SPHKAP: variants seen among roughly 807,000 people sequenced by gnomAD.
The protein encoded by SPHKAP is A-kinase anchor protein SPHKAP.
In SPHKAP, 67 loss-of-function variants were observed where a neutral mutation model predicts 137.5. That is an observed-to-expected ratio of 0.49 (90% CI 0.40 to 0.60). The LOEUF (loss-of-function observed/expected upper bound fraction) is 0.60. SPHKAP is among the 20% of genes least tolerant of loss of function. The pLI, the probability that SPHKAP is intolerant of heterozygous loss-of-function variation, is 0.00. For missense variants in SPHKAP, 2,097 were observed against 2,069.3 expected (o/e 1.01, Z -0.26); for synonymous variants, 813 against 785.3 (o/e 1.04, Z -0.59).
At chr2:228,151,506 G>A (rs1037010638) in intron 1 of SPHKAP, among the ~76,000 whole-genome samples, 18 of 152,112 alleles carry the variant, frequency 1.2e-4, no homozygotes, top group East Asian at 3.9e-4. Context: ...AGGAATCACC[G>A]CACTGACTTC....
chr2:228,065,054 G>C (rs927851398), intron 3 of SPHKAP, among the ~76,000 whole-genome samples: 4 of 152,120 alleles, frequency 2.6e-5, no homozygotes, highest in African/African-American at 7.2e-5. Context: ...GGATTTCCTG[G>C]CTGTGGGTTG....
intron 1 of SPHKAP, among the ~76,000 whole-genome samples, chr2:228,133,750 C>A (rs559536882): frequency 2.0e-5 from 3 of 152,286 alleles, no homozygotes; most frequent in East Asian, 1.9e-4. Context: ...GCACTAAATT[C>A]ATCAATTTTC....
At chr2:228,073,863 C>CT (rs1298878208) in intron 3 of SPHKAP, among the ~76,000 whole-genome samples, 2 of 137,670 alleles carry the variant, frequency 1.5e-5, no homozygotes, top group Non-Finnish European at 3.2e-5. Flanking sequence ...CATTTAACAT[C>CT]TTTTTTTAAA....
chr2:227,998,351 A>T (rs1693713444), intron 7 of SPHKAP, among the ~76,000 whole-genome samples: 1 of 152,180 alleles, frequency 6.6e-6, no homozygotes, highest in Non-Finnish European at 1.5e-5. Context: ...CCCTTTGCTC[A>T]GGAAACTCTG....
chr2:228,092,142 C>CGTATCTGTATATATGTGT (rs1697766226), intron 3 of SPHKAP, among the ~76,000 whole-genome samples: 1 of 129,538 alleles, frequency 7.7e-6, no homozygotes, highest in Admixed American at 8.0e-5. Flanking sequence ...TGTGTGTACA[C>CGTATCTGTATATATGTGT]ATATATACAT....
At chr2:228,172,900 C>T in intron 1 of SPHKAP, 1 of 325,790 alleles carries the variant, frequency 3.1e-6, no homozygotes, top group Non-Finnish European at 4.4e-6. Context: ...GTGCACTTTG[C>T]ATTGGCCAAA....
chr2:228,053,293 A>C (rs1402618720), intron 3 of SPHKAP, among the ~76,000 whole-genome samples: 12 of 152,242 alleles, frequency 7.9e-5, no homozygotes, highest in Admixed American at 7.9e-4. Context: ...GATCTTAGAC[A>C]AAAAGCTGAG....
intron 1 of SPHKAP, among the ~76,000 whole-genome samples, chr2:228,157,444 G>T (rs560285838): frequency 6.6e-6 from 1 of 152,290 alleles, no homozygotes; most frequent in South Asian, 2.1e-4. Flanking sequence ...TGATCTGAAA[G>T]ATTGAATGTA....
intron 2 of SPHKAP, among the ~76,000 whole-genome samples, chr2:228,117,568 C>T (rs1408657961): frequency 4.6e-5 from 7 of 152,138 alleles, no homozygotes; most frequent in Non-Finnish European, 7.4e-5. Flanking sequence ...TACTAAGACA[C>T]TTTGACCTAT....
rs760999447 is a variant in SPHKAP, at chr2:228,019,845, C to A, written c.1009G>T (p.Ala337Ser). The change falls in exon 7 of 12, where the codon GCA (alanine) becomes TCA (serine). Residue 337 changes from alanine (A) to serine (S), a missense_variant. Transcript: ENST00000392056. ...AFKGQMEKSQ[A>S]LYIPKDAYFS... is the part of the protein sequence containing the mutation. Reference sequence around the variant, plus strand: ...TAAGCATCTTTTGGAATATACAGTGCCTGTGATTTTTCCATTTGACCTTTA... The same window carrying A: ...TAAGCATCTTTTGGAATATACAGTGACTGTGATTTTTCCATTTGACCTTTA... The A allele has an allele frequency of 6.2e-7, 1 of 1,614,124 alleles. No individual in the cohort carries two copies. The highest frequency in any genetic ancestry group is 1.3e-5 in the African/African-American group (1 of 75,034).
At chr2:227,995,912 T>C in intron 7 of SPHKAP, 2 of 978,256 alleles carry the variant, frequency 2.0e-6, no homozygotes, top group Non-Finnish European at 2.4e-6. Context: ...TTAATCTCTT[T>C]CTACTGACTC....
chr2:228,027,543 C>T lies in SPHKAP; in HGVS notation c.247G>A (p.Val83Ile). The change falls in exon 4 of 12, where the codon GTC becomes ATC. Residue 83 changes from valine to isoleucine, a missense_variant and splice_region_variant. By Grantham distance (29) the Val-to-Ile change is conservative. Coordinates refer to ENST00000392056, the MANE Select transcript of SPHKAP (RefSeq NM_001142644.2). Reference sequence around the variant, plus strand: ...TTCACATCAAGATTCACAAAGCAGACCTGGGAAAAGAGGGCAAAAATAGTA... The same window carrying T: ...TTCACATCAAGATTCACAAAGCAGATCTGGGAAAAGAGGGCAAAAATAGTA... ...VEDKSENCAS[V>I]CFVNLDVNKD... The T allele has an allele frequency of 6.2e-7, 1 of 1,613,764 alleles. No homozygotes were observed. The highest frequency in any genetic ancestry group is 8.5e-7 in the Non-Finnish European group (1 of 1,179,886).
chr2:228,134,810 G>A (rs780005874), intron 1 of SPHKAP, among the ~76,000 whole-genome samples: 1 of 152,134 alleles, frequency 6.6e-6, no homozygotes, highest in Non-Finnish European at 1.5e-5. Context: ...AGCTCTGATG[G>A]GCTAGTAGAT....
At chr2:228,141,452 G>T (rs960418683) in intron 1 of SPHKAP, among the ~76,000 whole-genome samples, 1 of 152,108 alleles carries the variant, frequency 6.6e-6, no homozygotes, top group African/African-American at 2.4e-5. Flanking sequence ...GAGTCTCCTT[G>T]ATAGGTTTTC....
rs777500302 is a variant in SPHKAP at position 228,025,517 on chromosome 2, G to A, written c.318C>T (p.Asn106=). 123 of 1,613,452 alleles carry A rather than the reference G, an allele frequency of 7.6e-5. No homozygotes were observed. The East Asian group carries it at 1.1e-3, about 15-fold the overall frequency. Residue 106 remains asparagine (N), a synonymous_variant, in exon 5 of 12, where the codon AAC becomes AAT. Coordinates refer to ENST00000392056, the MANE Select transcript of SPHKAP (RefSeq NM_001142644.2). ...STEHLQQKLV[N]VSPDLPKLIS... is the part of the protein sequence containing the mutation. ...TAAGTTTTGGAAGATCTGGTGAAAC[G>A]TTGACCAGTTTCTGTAAAGCAAGAA...
chr2:228,145,720 G>A (rs1231542292), intron 1 of SPHKAP, among the ~76,000 whole-genome samples: 3 of 152,056 alleles, frequency 2.0e-5, no homozygotes, highest in Non-Finnish European at 4.4e-5. Context: ...AAAACATTTA[G>A]CAATGAGAGT....
intron 1 of SPHKAP, among the ~76,000 whole-genome samples, chr2:228,147,752 C>T (rs926430340): frequency 6.6e-6 from 1 of 152,118 alleles, no homozygotes; most frequent in Non-Finnish European, 1.5e-5. Flanking sequence ...TTATAGAGCA[C>T]CTATTTTGCC....
At position 228,181,463 on chromosome 2, in the gene SPHKAP, C is replaced by T; in HGVS notation, c.32+104G>A. ...GTGACCCCTGTCTCCTCGCTGGGAG[C>T]CCCGTGCAAACCGAAGCGCTCTGGG... On this transcript the variant is annotated intron_variant, in intron 1 of 11. Transcript: ENST00000392056. The surrounding 1 kb of genome is among the most constrained non-coding windows in gnomAD (Gnocchi z 4.3). 5 of 1,501,360 alleles carry T rather than the reference C, an allele frequency of 3.3e-6. No homozygotes were observed. Among genetic ancestry groups the T allele is most frequent in the Non-Finnish European group, 4.6e-6 (5 of 1,077,870 alleles). 93.0% of individuals were successfully genotyped at this position (1,501,360 alleles called of 1,614,324 possible).
intron 2 of SPHKAP, among the ~76,000 whole-genome samples, chr2:228,117,446 C>G (rs1698748259): frequency 6.6e-6 from 1 of 152,080 alleles, no homozygotes; most frequent in Admixed American, 6.6e-5. Flanking sequence ...TAGGCTCTTT[C>G]TAGGGCACTC....
Sources: gnomAD v4.1 joint callset for allele counts (sites outside exome capture counted in the v4.1 genomes callset) on GRCh38, gnomAD v4.1.1 for gene constraint, Gnocchi (gnomAD v3.1) non-coding constraint, MANE v1.5 for transcripts, NCBI Gene and HGNC (gene_info 2026-07-23, HGNC 2026-07-21) for gene names.